XKR9: variants seen among roughly 807,000 people sequenced by gnomAD.
XKR9 encodes XK related 9.
Under a neutral mutation model 32.0 loss-of-function variants are expected in XKR9, and 32 were observed. The ratio of observed to expected loss-of-function variants is 1.00; its 90% CI spans 0.76 to 1.34. The LOEUF is 1.34. Among genes scored for constraint, XKR9 ranks in the 40% most tolerant of loss-of-function variants. The pLI is 0.00. For missense variants in XKR9, 546 were observed against 429.7 expected (o/e 1.27, Z -2.39); for synonymous variants, 168 against 143.4 (o/e 1.17, Z -1.22).
At chr8:70,826,775 T>C in the XKR9 span, among the ~76,000 whole-genome samples, 1 of 152,174 alleles carries the variant, frequency 6.6e-6, no homozygotes, top group African/African-American at 2.4e-5. Flanking sequence ...TAGGTAACGA[T>C]GAACTCATTT....
At chr8:70,995,728 C>G in the XKR9 span, among the ~76,000 whole-genome samples, 1 of 152,252 alleles carries the variant, frequency 6.6e-6, no homozygotes, top group Admixed American at 6.5e-5. Flanking sequence ...GTTGCCCAAG[C>G]TGGCCTCAAA....
At chr8:70,978,926 C>T in the XKR9 span, among the ~76,000 whole-genome samples, 45 of 152,160 alleles carry the variant, frequency 3.0e-4, no homozygotes, top group African/African-American at 1.1e-3. Flanking sequence ...TGGAGGCTTT[C>T]TTCGTTTCTT....
chr8:70,937,154 C>A, the XKR9 span, among the ~76,000 whole-genome samples: 2 of 151,876 alleles, frequency 1.3e-5, no homozygotes, highest in African/African-American at 2.4e-5. Context: ...GTGTGTGTGA[C>A]TGTGACTGTG....
the XKR9 span, among the ~76,000 whole-genome samples, chr8:71,026,769 G>A: frequency 6.6e-6 from 1 of 152,102 alleles, no homozygotes; most frequent in East Asian, 1.9e-4. Flanking sequence ...GTGATAATTT[G>A]AGTATTATAA....
At chr8:70,972,238 G>C in the XKR9 span, among the ~76,000 whole-genome samples, 1 of 151,984 alleles carries the variant, frequency 6.6e-6, no homozygotes, top group Non-Finnish European at 1.5e-5. Flanking sequence ...CGTGAAAGGG[G>C]TTGAGTTCTT....
chr8:70,866,203 A>C, the XKR9 span, among the ~76,000 whole-genome samples: 4 of 152,230 alleles, frequency 2.6e-5, no homozygotes, highest in Non-Finnish European at 5.9e-5. Flanking sequence ...ACTGAGATTC[A>C]AAAGATCTAG....
chr8:71,015,627 C>T, the XKR9 span, among the ~76,000 whole-genome samples: 2 of 152,120 alleles, frequency 1.3e-5, no homozygotes, highest in Non-Finnish European at 2.9e-5. Flanking sequence ...GGGAAGGTGA[C>T]TTTGTTGGAT....
chr8:70,891,442 C>G, the XKR9 span, among the ~76,000 whole-genome samples: 3 of 151,968 alleles, frequency 2.0e-5, no homozygotes, highest in Non-Finnish European at 4.4e-5. Context: ...TAAACTTCCT[C>G]TTAATACTGC....
At chr8:70,904,390 T>C in the XKR9 span, among the ~76,000 whole-genome samples, 2 of 152,208 alleles carry the variant, frequency 1.3e-5, no homozygotes, top group Non-Finnish European at 2.9e-5. Flanking sequence ...TTGTCTCTTT[T>C]GATCTTTGTT....
At chr8:71,039,004 A>G in the XKR9 span, among the ~76,000 whole-genome samples, 1 of 151,834 alleles carries the variant, frequency 6.6e-6, no homozygotes, top group Non-Finnish European at 1.5e-5. Flanking sequence ...GGGTTTCACC[A>G]TGTTGGCCAG....
intron 3 of XKR9, among the ~76,000 whole-genome samples, chr8:70,789,716 T>A (rs551311070): frequency 1.5e-5 from 2 of 135,488 alleles, no homozygotes; most frequent in East Asian, 3.9e-4. Flanking sequence ...GACCTATAGT[T>A]TTTTTTTAGT....
At chr8:70,778,876 C>A (rs1331401335) in intron 2 of XKR9, among the ~76,000 whole-genome samples, 1 of 152,160 alleles carries the variant, frequency 6.6e-6, no homozygotes, top group Non-Finnish European at 1.5e-5. Flanking sequence ...TCTAAATATA[C>A]AGTTATGTCA....
intron 2 of XKR9, among the ~76,000 whole-genome samples, chr8:70,754,489 G>T (rs531870159): frequency 5.7e-5 from 8 of 140,048 alleles, no homozygotes; most frequent in Admixed American, 1.7e-4. Flanking sequence ...AAAGCTGGAG[G>T]CATCACGCTA....
chr8:70,858,486 C>T, the XKR9 span, among the ~76,000 whole-genome samples: 1 of 151,300 alleles, frequency 6.6e-6, no homozygotes, highest in Admixed American at 6.6e-5. Flanking sequence ...AAATGACATT[C>T]TTCACAGAAA....
chr8:70,890,175 C>G, the XKR9 span, among the ~76,000 whole-genome samples: 1 of 151,762 alleles, frequency 6.6e-6, no homozygotes. Flanking sequence ...ATGATTAGTG[C>G]TGTGGAACAT....
chr8:70,743,214 T>G (rs1415755728), intron 2 of XKR9, among the ~76,000 whole-genome samples: 1 of 152,176 alleles, frequency 6.6e-6, no homozygotes, highest in Non-Finnish European at 1.5e-5. Flanking sequence ...AGATACTGCA[T>G]TTTTATGTTC....
the XKR9 span, among the ~76,000 whole-genome samples, chr8:70,836,608 G>C: frequency 6.6e-6 from 1 of 151,878 alleles, no homozygotes; most frequent in African/African-American, 2.4e-5. Flanking sequence ...TCTATTGATT[G>C]ATATTTGGGG....
chr8:71,016,157 A>G, the XKR9 span, among the ~76,000 whole-genome samples: 18 of 152,132 alleles, frequency 1.2e-4, no homozygotes, highest in African/African-American at 4.1e-4. Context: ...ATTTTATTAA[A>G]TCTGGGTTAA....
At chr8:71,001,053 G>A in the XKR9 span, among the ~76,000 whole-genome samples, 3 of 152,182 alleles carry the variant, frequency 2.0e-5, no homozygotes, top group East Asian at 5.8e-4. Context: ...CAACAAAATA[G>A]GAAATCTGTT....
Sources: gnomAD v4.1 joint callset for allele counts (sites outside exome capture counted in the v4.1 genomes callset) on GRCh38, gnomAD v4.1.1 for gene constraint, MANE v1.5 for transcripts, NCBI Gene and HGNC (gene_info 2026-07-23, HGNC 2026-07-21) for gene names.